CSMD1: variants seen among roughly 807,000 people sequenced by gnomAD.
The protein encoded by CSMD1 is CUB and sushi domain-containing protein 1.
CSMD1 carries 213 observed loss-of-function variants against 417.5 expected under a neutral mutation model. The ratio of observed to expected loss-of-function variants is 0.51; its 90% CI spans 0.46 to 0.57. CSMD1 has a LOEUF of 0.57. Among genes scored for constraint, CSMD1 ranks in the 20% least tolerant of loss-of-function variants. The pLI is 0.00. For missense variants in CSMD1, 6,923 were observed against 4,529.7 expected (o/e 1.53, Z -15.17); for synonymous variants, 2,862 against 1,736.8 (o/e 1.65, Z -16.11).
chr8:4,154,426 A>C (rs1796724086), intron 3 of CSMD1, among the ~76,000 whole-genome samples: 1 of 152,230 alleles, frequency 6.6e-6, no homozygotes, highest in Non-Finnish European at 1.5e-5. Context: ...AGCAGATGCC[A>C]CTTTATTGCC....
At chr8:3,310,886 T>G (rs545991244) in intron 23 of CSMD1, among the ~76,000 whole-genome samples, 1 of 151,702 alleles carries the variant, frequency 6.6e-6, no homozygotes, top group African/African-American at 2.4e-5. Context: ...ATCTGGAGTT[T>G]TAAAAAAAGT....
intron 3 of CSMD1, among the ~76,000 whole-genome samples, chr8:4,077,859 T>A (rs532495402): frequency 6.6e-6 from 1 of 152,152 alleles, no homozygotes; most frequent in Non-Finnish European, 1.5e-5. Context: ...ATATGCCTCC[T>A]TCCTTTCTCT....
chr8:2,997,309 T>A (rs1806994253), intron 54 of CSMD1, among the ~76,000 whole-genome samples: 1 of 152,242 alleles, frequency 6.6e-6, no homozygotes, highest in Non-Finnish European at 1.5e-5. Context: ...ATTTTTTAAA[T>A]GACTTGGGTT....
At chr8:3,863,951 G>A (rs1343798226) in intron 5 of CSMD1, among the ~76,000 whole-genome samples, 1 of 152,136 alleles carries the variant, frequency 6.6e-6, no homozygotes, top group African/African-American at 2.4e-5. Flanking sequence ...GAGGTTTAGA[G>A]GTCTGATTCT....
chr8:4,382,905 T>A (rs1354087156), intron 3 of CSMD1, among the ~76,000 whole-genome samples: 1 of 152,174 alleles, frequency 6.6e-6, no homozygotes, highest in East Asian at 1.9e-4. Context: ...CAAGAATACC[T>A]AGTTAATAAG....
chr8:3,452,269 C>A (rs919003716), intron 12 of CSMD1, among the ~76,000 whole-genome samples: 2 of 152,142 alleles, frequency 1.3e-5, no homozygotes, highest in African/African-American at 4.8e-5. Flanking sequence ...GAAAAAGGGA[C>A]AATTTGACTT....
At chr8:3,748,795 T>A (rs1418953607) in intron 6 of CSMD1, among the ~76,000 whole-genome samples, 1 of 152,216 alleles carries the variant, frequency 6.6e-6, no homozygotes, top group East Asian at 1.9e-4. Flanking sequence ...TTCATTTTAA[T>A]TAAAAGGGAA....
intron 21 of CSMD1, among the ~76,000 whole-genome samples, chr8:3,358,861 G>GTA (rs1228028599): frequency 2.0e-5 from 3 of 150,250 alleles, no homozygotes; most frequent in East Asian, 1.9e-4. Context: ...CTCTCTCTCC[G>GTA]TATATATATA....
At chr8:4,179,122 C>G (rs1337568461) in intron 3 of CSMD1, among the ~76,000 whole-genome samples, 1 of 152,162 alleles carries the variant, frequency 6.6e-6, no homozygotes, top group Non-Finnish European at 1.5e-5. Context: ...ATCGCCAAGT[C>G]AATCCTAAGC....
intron 1 of CSMD1, among the ~76,000 whole-genome samples, chr8:4,759,788 C>T (rs142805500): frequency 0.015 from 2,330 of 152,236 alleles, 95 homozygotes; most frequent in Admixed American, 0.078. Context: ...TACATATGTA[C>T]CAGTTTCTTT....
chr8:3,200,770 C>A (rs369676157), intron 32 of CSMD1, among the ~76,000 whole-genome samples: 2 of 151,782 alleles, frequency 1.3e-5, no homozygotes, highest in Non-Finnish European at 1.5e-5. Context: ...TAGAAAATAA[C>A]AAAACATAGG....
chr8:3,799,701 G>C (rs1370506271), intron 5 of CSMD1, among the ~76,000 whole-genome samples: 1 of 150,698 alleles, frequency 6.6e-6, no homozygotes, highest in Non-Finnish European at 1.5e-5. Flanking sequence ...AGTTAAGTCT[G>C]CCAGCTGAAC....
intron 3 of CSMD1, among the ~76,000 whole-genome samples, chr8:4,411,209 C>T (rs942932329): frequency 6.6e-6 from 1 of 152,068 alleles, no homozygotes; most frequent in African/African-American, 2.4e-5. Flanking sequence ...CTAGGAAACC[C>T]ATCAAGTACA....
intron 10 of CSMD1, among the ~76,000 whole-genome samples, chr8:3,570,003 A>T (rs111683210): frequency 2.8e-4 from 42 of 152,242 alleles, no homozygotes; most frequent in Non-Finnish European, 4.7e-4. Context: ...AATATATACA[A>T]TGTCTGCATA....
intron 3 of CSMD1, among the ~76,000 whole-genome samples, chr8:4,412,488 C>T (rs1014265048): frequency 2.0e-5 from 3 of 152,190 alleles, no homozygotes; most frequent in Non-Finnish European, 4.4e-5. Context: ...GGTTCCTGTC[C>T]AGCCTGCAGA....
At chr8:4,834,590 T>G (rs1392134715) in intron 1 of CSMD1, among the ~76,000 whole-genome samples, 1 of 151,142 alleles carries the variant, frequency 6.6e-6, no homozygotes, top group Admixed American at 6.6e-5. Context: ...TCAAAAAGAA[T>G]GAGAACAACG....
intron 10 of CSMD1, among the ~76,000 whole-genome samples, chr8:3,518,558 A>T (rs910018523): frequency 1.3e-5 from 2 of 152,340 alleles, no homozygotes; most frequent in Middle Eastern, 3.4e-3. Flanking sequence ...TGCAGTATCT[A>T]TGTGAAAGTA....
At position 3,268,669 on chromosome 8, in the gene CSMD1, G is replaced by T. The variant is rs77516722; in HGVS notation, c.4153+15475C>A. 5.9e-3 allele frequency among the ~76,000 whole-genome samples: 896 copies of T among 152,270 alleles called. 6 individuals carry two copies. Among genetic ancestry groups the T allele is most frequent in the African/African-American group, 0.02 (838 of 41,556 alleles). ...GAAACAATTTATTTCCGAATAACATGTTTTTAAAGACATTGTGATAATCCA... is the reference window on the plus strand; with the variant it reads ...GAAACAATTTATTTCCGAATAACATTTTTTTAAAGACATTGTGATAATCCA... On this transcript the variant is annotated intron_variant, in intron 26 of 69. Coordinates refer to ENST00000635120, the MANE Select transcript of CSMD1 (RefSeq NM_033225.6).
At chr8:3,909,163 A>T (rs1292755306) in intron 5 of CSMD1, among the ~76,000 whole-genome samples, 2 of 152,124 alleles carry the variant, frequency 1.3e-5, no homozygotes, top group African/African-American at 4.8e-5. Flanking sequence ...TCCTTTGGAG[A>T]CTGGGTCAGG....
Sources: gnomAD v4.1 joint callset for allele counts (sites outside exome capture counted in the v4.1 genomes callset) on GRCh38, gnomAD v4.1.1 for gene constraint, MANE v1.5 for transcripts, NCBI Gene and HGNC (gene_info 2026-07-23, HGNC 2026-07-21) for gene names.